GRK2: variants seen among roughly 807,000 people sequenced by gnomAD.
GRK2 encodes G protein-coupled receptor kinase 2, also known as adrenergic beta receptor kinase 1.
GRK2 carries 23 observed loss-of-function variants against 97.8 expected under a neutral mutation model. The observed-to-expected ratio is 0.24, with a 90% CI of 0.17 to 0.33. The LOEUF (loss-of-function observed/expected upper bound fraction) is 0.33. Ranked by LOEUF, GRK2 falls within the 10% of genes least tolerant of loss-of-function variation. GRK2 has a pLI of 1.00. For synonymous variants in GRK2, 425 were observed against 381.7 expected, an observed-to-expected ratio of 1.11 and a Z score of -1.32; for missense variants, 633 against 956.9, an observed-to-expected ratio of 0.66 and a Z score of 4.47.
intron 1 of GRK2, among the ~76,000 whole-genome samples, chr11:67,274,113 A>G (rs1859970430): frequency 6.6e-6 from 1 of 151,580 alleles, no homozygotes; most frequent in Admixed American, 6.6e-5. Context: ...CCAGGGTTCA[A>G]GCGATTCTTC....
intron 1 of GRK2, among the ~76,000 whole-genome samples, chr11:67,275,373 G>A (rs1272107656): frequency 1.3e-5 from 2 of 152,212 alleles, no homozygotes; most frequent in African/African-American, 4.8e-5. Context: ...GGCTGAAGCT[G>A]CCATTCTTCC....
intron 1 of GRK2, among the ~76,000 whole-genome samples, chr11:67,275,696 A>G (rs561624023): frequency 6.6e-6 from 1 of 152,196 alleles, no homozygotes; most frequent in Admixed American, 6.5e-5. Flanking sequence ...CCCCTTGCTC[A>G]TCCCTGGACA....
chr11:67,277,427 C>G (rs1860055276), intron 2 of GRK2, 79 bp downstream of exon 2: 2 of 1,335,560 alleles, frequency 1.5e-6, no homozygotes, highest in Non-Finnish European at 2.1e-6. Context: ...GTGCTCCCCA[C>G]TCTCCAGAGA....
At position 67,286,344 on chromosome 11, in the gene GRK2, C is replaced by G. The variant is rs922442908; in HGVS notation, c.*894C>G. ...CCAGGCTGGCCAGCCCCACAGCCCACGTCCTGTCAGTGCCGCCGCCTCGCC... is the reference window on the plus strand; with the variant it reads ...CCAGGCTGGCCAGCCCCACAGCCCAGGTCCTGTCAGTGCCGCCGCCTCGCC... On this transcript the variant is annotated 3_prime_UTR_variant, in exon 21 of 21. Transcript: ENST00000308595. 4.3e-6 allele frequency: 3 copies of G among 695,106 alleles called. No homozygotes were observed. The highest frequency in any genetic ancestry group is 7.8e-6 in the Non-Finnish European group (3 of 382,220). 43.1% of individuals were successfully genotyped at this position (695,106 alleles called of 1,614,324 possible).
intron 1 of GRK2, 45 bp downstream of exon 1, chr11:67,266,857 C>G (rs1007292740): frequency 2.0e-4 from 199 of 1,012,032 alleles, no homozygotes; most frequent in Middle Eastern, 3.8e-4. Context: ...CCGCGGGCGC[C>G]CCGGCCGCGG....
intron 1 of GRK2, among the ~76,000 whole-genome samples, chr11:67,275,834 C>T (rs892920133): frequency 2.1e-4 from 32 of 152,276 alleles, no homozygotes; most frequent in Non-Finnish European, 2.5e-4. Context: ...ACCCAGAGGC[C>T]TCCTCTCCTT....
At chr11:67,267,849 G>T (rs1008514880) in intron 1 of GRK2, among the ~76,000 whole-genome samples, 1 of 152,228 alleles carries the variant, frequency 6.6e-6, no homozygotes, top group Non-Finnish European at 1.5e-5. Flanking sequence ...AGCTCCAGAG[G>T]TGAGTGGCCT....
rs889723889 is a variant in GRK2, at chr11:67,266,507, G to GGCCCGA, written c.-189_-184dup. 2 of 145,556 alleles carry GGCCCGA rather than the reference G, an allele frequency of 1.4e-5. No homozygotes were observed. The highest frequency in any genetic ancestry group is 3.0e-5 in the Non-Finnish European group (2 of 65,712). The allele number at this position is 145,556 out of a possible 1,614,324, so 9.0% of individuals were successfully genotyped here. A position where few individuals can be genotyped will look rare whatever the true frequency, so the allele number is the denominator to read the frequency against. ...GGGAGCGGAGCGCGAGCCGGGGCCG[G>GGCCCGA]GCCCGAGCCGGCGCCATGGGGCGGC... On this transcript the variant is annotated 5_prime_UTR_variant, in exon 1 of 21. Coordinates refer to ENST00000308595, the MANE Select transcript of GRK2 (RefSeq NM_001619.5).
chr11:67,285,464 CT>C lies in GRK2; in HGVS notation c.*18del. ...AACGGCCTCTGACCCGCCCACCCGCCTTTTATAAACCTCTAATTTATTTTGT... is the reference window on the plus strand; with the variant it reads ...AACGGCCTCTGACCCGCCCACCCGCCTTTATAAACCTCTAATTTATTTTGT... On this transcript the variant is annotated 3_prime_UTR_variant, in exon 21 of 21. Coordinates refer to ENST00000308595, the MANE Select transcript of GRK2 (RefSeq NM_001619.5). 6.6e-7 allele frequency: 1 copy of C among 1,523,600 alleles called. No homozygotes were observed. The allele number at this position is 1,523,600 out of a possible 1,614,324, so 94.4% of individuals were successfully genotyped here. A position where few individuals can be genotyped will look rare whatever the true frequency, so the allele number is the denominator to read the frequency against.
In GRK2 at chr11:67,282,357, T is replaced by C. The variant is rs1860170509; in HGVS notation, c.1044T>C (p.His348=). Residue 348 remains histidine (H), a synonymous_variant, in exon 12 of 21, where the codon CAT becomes CAC. Coordinates refer to ENST00000308595, the MANE Select transcript of GRK2 (RefSeq NM_001619.5). This position sits in a 1 kb window ranked among gnomAD's most constrained non-coding sequence, Gnocchi z 6.9. The stretch of plus-strand genomic sequence containing the variant: ...GTGACTTCTCCAAGAAGAAGCCCCA[T>C]GCCAGCGTGTGAGTGCCCCCCACCC... ...LACDFSKKKP[H]ASVGTHGYMA... The C allele has an allele frequency of 6.2e-7, 1 of 1,613,498 alleles. No homozygotes were observed. Among genetic ancestry groups the C allele is most frequent in the Non-Finnish European group, 8.5e-7 (1 of 1,179,918 alleles).
intron 1 of GRK2, chr11:67,277,057 T>G: frequency 4.3e-6 from 2 of 460,022 alleles, no homozygotes; most frequent in Non-Finnish European, 7.8e-6. Context: ...ACCCTGGCCT[T>G]TGAGGACACA....
In GRK2 at chr11:67,277,283, T is replaced by C; in HGVS notation, c.125T>C (p.Val42Ala). The change falls in exon 2 of 21, where the codon GTC becomes GCC. Residue 42 changes from valine to alanine, a missense_variant. By Grantham distance (64) the Val-to-Ala change is moderately conservative. Around this residue, in one of 4 missense-constraint regions of GRK2, gnomAD observed 193 missense variants for 212.2 expected, o/e 0.91. Transcript: ENST00000308595. The part of the protein sequence containing the change: ...ILLPEPSIRS[V>A]MQKYLEDRGE... Reference sequence around the variant, plus strand: ...CCCCTGACCCACAGCATCCGCAGTGTCATGCAGAAGTACCTGGAGGACCGG... The same window carrying C: ...CCCCTGACCCACAGCATCCGCAGTGCCATGCAGAAGTACCTGGAGGACCGG... 6.2e-7 allele frequency: 1 copy of C among 1,613,608 alleles called. No homozygotes were observed. Among genetic ancestry groups the C allele is most frequent in the Non-Finnish European group, 8.5e-7 (1 of 1,179,934 alleles).
intron 1 of GRK2, among the ~76,000 whole-genome samples, chr11:67,270,228 G>A (rs1859878099): frequency 6.6e-6 from 1 of 152,148 alleles, no homozygotes; most frequent in African/African-American, 2.4e-5. Context: ...TGACCACTGA[G>A]GCCTCGTGTA....
Position 67,266,597 on chromosome 11 carries a change from C to A in GRK2, c.-103C>A. ...AGCAGGGCCAGGCGGGAGGCGTCGG[C>A]GCCCGAGGCCGAGCGAGCCGCGGCC... On this transcript the variant is annotated 5_prime_UTR_variant, in exon 1 of 21. Coordinates refer to ENST00000308595, the MANE Select transcript of GRK2 (RefSeq NM_001619.5). The A allele has an allele frequency of 3.2e-6, 1 of 310,108 alleles. No homozygotes were observed. Among genetic ancestry groups the A allele is most frequent in the Non-Finnish European group, 4.6e-6 (1 of 217,642 alleles). The allele number at this position is 310,108 out of a possible 1,614,324, so 19.2% of individuals were successfully genotyped here. A position where few individuals can be genotyped will look rare whatever the true frequency, so the allele number is the denominator to read the frequency against.
At chr11:67,272,783 C>A (rs1043386135) in intron 1 of GRK2, among the ~76,000 whole-genome samples, 1 of 152,250 alleles carries the variant, frequency 6.6e-6, no homozygotes, top group Non-Finnish European at 1.5e-5. Flanking sequence ...CCACTGGGCC[C>A]GCAGTAGAGC....
At chr11:67,280,180 C>G in intron 6 of GRK2, 1 of 512,222 alleles carries the variant, frequency 2.0e-6, no homozygotes, top group Non-Finnish European at 3.6e-6. Flanking sequence ...CTCTTTCTCT[C>G]CCGTGGGCTG....
At chr11:67,267,553 C>T (rs747354189) in intron 1 of GRK2, among the ~76,000 whole-genome samples, 4 of 152,238 alleles carry the variant, frequency 2.6e-5, no homozygotes, top group Non-Finnish European at 5.9e-5. Flanking sequence ...GCAGGCCCTG[C>T]ATATGGTGCC....
Position 67,285,359 on chromosome 11 carries a change from G to A in GRK2, c.1979G>A (p.Arg660Gln). 4 of 1,610,090 alleles carry A rather than the reference G, an allele frequency of 2.5e-6. No homozygotes were observed. Among genetic ancestry groups the A allele is most frequent in the Non-Finnish European group, 3.4e-6 (4 of 1,179,454 alleles). ...CGCGAGGCCCAGCAGCTGGTGCAGC[G>A]GGTGCCCAAGATGAAGAACAAGCCG... ...AYREAQQLVQ[R>Q]VPKMKNKPRS... The change falls in exon 21 of 21, where the codon CGG (arginine) becomes CAG (glutamine). Residue 660 changes from arginine to glutamine, a missense_variant. This residue lies in a region of GRK2 where 180 missense variants were observed against 311.3 expected (regional missense o/e 0.58). Coordinates refer to ENST00000308595, the MANE Select transcript of GRK2 (RefSeq NM_001619.5).
chr11:67,277,388 T>G, intron 2 of GRK2, 40 bp downstream of exon 2: 2 of 1,579,828 alleles, frequency 1.3e-6, no homozygotes, highest in Admixed American at 3.3e-5. Context: ...CGGACTTAAC[T>G]TCTTGCCCCT....
Sources: allele counts gnomAD v4.1 joint callset (sites outside exome capture counted in the v4.1 genomes callset), GRCh38; gene constraint gnomAD v4.1.1; regional missense constraint gnomAD v4.1.1; non-coding constraint Gnocchi (gnomAD v3.1); transcripts MANE v1.5; gene names NCBI Gene and HGNC (gene_info 2026-07-23, HGNC 2026-07-21).